CDON: variants seen among roughly 807,000 people sequenced by gnomAD.
CDON encodes the protein cell adhesion associated, oncogene regulated.
A neutral mutation model predicts 120.9 loss-of-function variants in CDON; 73 were observed. The observed-to-expected ratio is 0.60, with a 90% CI of 0.50 to 0.73. CDON has a LOEUF of 0.73. CDON is among the 30% of genes least tolerant of loss of function. The pLI is 0.00. For synonymous variants in CDON, 566 were observed against 573.5 expected (o/e 0.99, Z 0.19); for missense variants, 1,470 against 1,587.3 (o/e 0.93, Z 1.26).
At chr11:126,014,633 T>G (rs754798066) in intron 7 of CDON, among the ~76,000 whole-genome samples, 5 of 152,200 alleles carry the variant, frequency 3.3e-5, no homozygotes, top group Non-Finnish European at 7.4e-5. Flanking sequence ...TAGAACTATT[T>G]GTAATAGCAA....
chr11:125,976,618 AACAC>A (rs60615493), intron 18 of CDON, among the ~76,000 whole-genome samples: 8 of 151,158 alleles, frequency 5.3e-5, no homozygotes, highest in South Asian at 2.1e-4. Flanking sequence ...CACACACACA[AACAC>A]ACACACACAC....
rs1254048129 is a variant in CDON at position 125,995,112 on chromosome 11, A to G, written c.2363-60T>C. 37 of 1,453,986 alleles carry G rather than the reference A, an allele frequency of 2.5e-5. No individual in the cohort carries two copies. In the Admixed American group the frequency reaches 5.1e-4, roughly 20 times the overall value. The allele number at this position is 1,453,986 out of a possible 1,614,324, so 90.1% of individuals were successfully genotyped here. ...AACAAAAACATAACTAAGAAAAGCT[A>G]TAATAAGACAACTAAAGGCAGAATA... is the stretch of plus-strand genomic sequence containing the variant. On this transcript the variant is annotated intron_variant, in intron 12 of 19. Transcript: ENST00000531738.
chr11:126,012,211 GATT>G, intron 7 of CDON, among the ~76,000 whole-genome samples: 1 of 152,160 alleles, frequency 6.6e-6, no homozygotes, highest in East Asian at 1.9e-4. Flanking sequence ...ATTATGATGG[GATT>G]TTAATTTGAA....
At chr11:125,965,166 G>A (rs1414413387) in intron 18 of CDON, among the ~76,000 whole-genome samples, 1 of 152,134 alleles carries the variant, frequency 6.6e-6, no homozygotes, top group Non-Finnish European at 1.5e-5. Context: ...CCTGAGTTCA[G>A]GCAATCCACC....
At chr11:125,961,461 T>A (rs1318338026) in intron 19 of CDON, among the ~76,000 whole-genome samples, 1 of 152,154 alleles carries the variant, frequency 6.6e-6, no homozygotes, top group Non-Finnish European at 1.5e-5. Context: ...ACGAATGAAA[T>A]CAAAGCCTAT....
In CDON at chr11:126,015,284, C is replaced by T. The variant is rs369170732; in HGVS notation, c.1155G>A (p.Gly385=). 1.2e-6 allele frequency: 2 copies of T among 1,613,992 alleles called. No individual in the cohort carries two copies. The highest frequency in any genetic ancestry group is 1.7e-5 in the Admixed American group (1 of 59,996). ...VGMYQCVADN[G]IGFMHSTGRL... is the part of the protein sequence containing the mutation. Reference sequence around the variant, plus strand: ...TTCCAGTAGAGTGCATAAATCCAATCCCATTATCTGCTACACACTGATACA... The same window carrying T: ...TTCCAGTAGAGTGCATAAATCCAATTCCATTATCTGCTACACACTGATACA... Residue 385 remains glycine, a synonymous_variant, in exon 7 of 20, where the codon GGG becomes GGA. Transcript: ENST00000531738.
At chr11:126,015,159 A>G (rs1947424759) in intron 7 of CDON, 82 bp downstream of exon 7, 2 of 1,364,664 alleles carry the variant, frequency 1.5e-6, no homozygotes, top group East Asian at 2.3e-5. Flanking sequence ...TTCTTTTAGT[A>G]AAAATAATTT....
Position 126,004,266 on chromosome 11 carries a change from G to A in CDON, c.1852-190C>T, listed in dbSNP as rs189774348. ...ATAGAAGATCTGCTGCAAGAACGCTGCAATTCTCACTGTAGAAAGACTCCT... is the reference window on the plus strand; with the variant it reads ...ATAGAAGATCTGCTGCAAGAACGCTACAATTCTCACTGTAGAAAGACTCCT... On this transcript the variant is annotated intron_variant, in intron 9 of 19. Transcript: ENST00000531738. 456 of 642,300 alleles carry A rather than the reference G, an allele frequency of 7.1e-4. 5 individuals are homozygous for A. In the East Asian group the frequency reaches 0.01, roughly 14 times the overall value. 39.8% of individuals were successfully genotyped at this position (642,300 alleles called of 1,614,324 possible).
At chr11:125,969,978 T>C (rs985698928) in intron 18 of CDON, among the ~76,000 whole-genome samples, 1 of 152,318 alleles carries the variant, frequency 6.6e-6, no homozygotes, top group African/African-American at 2.4e-5. Flanking sequence ...GATTACACAG[T>C]TGAATATTTG....
chr11:126,048,853 G>T (rs374826963), intron 1 of CDON, among the ~76,000 whole-genome samples: 1 of 152,052 alleles, frequency 6.6e-6, no homozygotes, highest in Non-Finnish European at 1.5e-5. Context: ...ACAGGCATGC[G>T]CCACCACACC....
intron 16 of CDON, 58 bp from the exon 17 acceptor site, chr11:125,981,387 C>A: frequency 6.5e-7 from 1 of 1,539,988 alleles, no homozygotes; most frequent in South Asian, 1.1e-5. Context: ...CGCACACATG[C>A]ACATACGCAC....
At chr11:126,021,589 T>A in intron 2 of CDON, 69 bp from the exon 3 acceptor site, 1 of 1,291,474 alleles carries the variant, frequency 7.7e-7, no homozygotes, top group Non-Finnish European at 1.1e-6. Context: ...GAAGATTACA[T>A]TAAACACATT....
chr11:125,997,987 C>T (rs918292318), intron 11 of CDON, among the ~76,000 whole-genome samples: 7 of 152,102 alleles, frequency 4.6e-5, no homozygotes, highest in Non-Finnish European at 1.0e-4. Flanking sequence ...GAGAATGCTG[C>T]TCAGGATGAA....
At chr11:125,971,613 T>A (rs1946001482) in intron 18 of CDON, among the ~76,000 whole-genome samples, 1 of 152,162 alleles carries the variant, frequency 6.6e-6, no homozygotes, top group Non-Finnish European at 1.5e-5. Flanking sequence ...TTTTACTACT[T>A]CTCTTGACTA....
intron 5 of CDON, 75 bp from the exon 6 acceptor site, chr11:126,017,450 A>G (rs1264435443): frequency 4.3e-6 from 6 of 1,403,238 alleles, no homozygotes; most frequent in Non-Finnish European, 6.0e-6. Context: ...ACCTGTGGGC[A>G]TCACCATTTT....
chr11:125,988,550 G>A (rs940564073), intron 15 of CDON, among the ~76,000 whole-genome samples: 1 of 152,042 alleles, frequency 6.6e-6, no homozygotes, highest in African/African-American at 2.4e-5. Context: ...GCTTATTTTG[G>A]GGATAACACA....
chr11:125,976,875 G>C (rs547556867), intron 18 of CDON, among the ~76,000 whole-genome samples: 13 of 152,156 alleles, frequency 8.5e-5, no homozygotes, highest in African/African-American at 2.9e-4. Context: ...CGTTACTTTC[G>C]CAAGATCACA....
rs1277231420 is a variant in CDON, at chr11:125,981,341, GAACA to G, written c.2996-16_2996-13del. The stretch of plus-strand genomic sequence containing the variant: ...TGGTGGGTCATATTCTGTTAAAAGA[GAACA>G]AAAAAGACACACACGCACACACACA... On this transcript the variant is annotated splice_polypyrimidine_tract_variant and intron_variant, in intron 16 of 19. Coordinates refer to ENST00000531738, the MANE Select transcript of CDON (RefSeq NM_001378964.1). 7 of 1,609,310 alleles carry G rather than the reference GAACA, an allele frequency of 4.3e-6. No homozygotes were observed.
intron 3 of CDON, 104 bp downstream of exon 3, chr11:126,021,144 T>C (rs1216512975): frequency 5.7e-6 from 7 of 1,236,152 alleles, no homozygotes; most frequent in African/African-American, 1.5e-5. Context: ...AAAACTCCTA[T>C]ATGCTTTACA....
Sources: gnomAD v4.1 joint callset for allele counts (sites outside exome capture counted in the v4.1 genomes callset) on GRCh38, gnomAD v4.1.1 for gene constraint, MANE v1.5 for transcripts, NCBI Gene and HGNC (gene_info 2026-07-23, HGNC 2026-07-21) for gene names.